The following FER variants were observed in gnomAD, a reference collection of about 807,000 sequenced individuals.
FER encodes the protein tyrosine-protein kinase Fer.
In FER, 63 loss-of-function variants were observed where a neutral mutation model predicts 111.0. The ratio of observed to expected loss-of-function variants is 0.57; its 90% confidence interval spans 0.46 to 0.70. The LOEUF (loss-of-function observed/expected upper bound fraction) is 0.70. Ranked by LOEUF, FER falls within the 30% of genes least tolerant of loss-of-function variation. FER has a pLI of 0.00. For synonymous variants in FER, 327 were observed against 313.9 expected, an observed-to-expected ratio of 1.04 and a Z score of -0.44; for missense variants, 914 against 954.0, an observed-to-expected ratio of 0.96 and a Z score of 0.55.
At chr5:108,958,578 A>G (rs1379428840) in intron 12 of FER, among the ~76,000 whole-genome samples, 1 of 151,820 alleles carries the variant, frequency 6.6e-6, no homozygotes, top group Non-Finnish European at 1.5e-5. Flanking sequence ...GGTGATATGC[A>G]ATTAAAAAAT....
chr5:109,117,305 A>T (rs895647664), intron 17 of FER, among the ~76,000 whole-genome samples: 1 of 152,126 alleles, frequency 6.6e-6, no homozygotes, highest in Admixed American at 6.6e-5. Flanking sequence ...AGAAATAGTG[A>T]CTACAGAACA....
At chr5:108,810,096 AT>A (rs1757592243) in intron 3 of FER, among the ~76,000 whole-genome samples, 1 of 151,658 alleles carries the variant, frequency 6.6e-6, no homozygotes, top group South Asian at 2.1e-4. Context: ...TATTATTGTT[AT>A]TTTTTAATTT....
intron 17 of FER, among the ~76,000 whole-genome samples, chr5:109,117,156 G>A (rs137862954): frequency 6.6e-6 from 1 of 151,988 alleles, no homozygotes; most frequent in African/African-American, 2.4e-5. Flanking sequence ...ATTCAGAAAG[G>A]TTCTTTTTCT....
chr5:108,833,489 C>CTTTT (rs5870333), intron 4 of FER, among the ~76,000 whole-genome samples: 1 of 145,608 alleles, frequency 6.9e-6, no homozygotes, highest in Non-Finnish European at 1.5e-5. Flanking sequence ...CTCCTACCCA[C>CTTTT]TTTTTTTTTT....
intron 5 of FER, 74 bp downstream of exon 5, chr5:108,835,881 A>G (rs1760605350): frequency 1.3e-6 from 1 of 799,622 alleles, no homozygotes; most frequent in Admixed American, 3.0e-5. Context: ...CTTTGTAAGT[A>G]GTGGAATGAT....
At chr5:109,164,225 T>C (rs890386768) in intron 17 of FER, among the ~76,000 whole-genome samples, 1 of 152,150 alleles carries the variant, frequency 6.6e-6, no homozygotes, top group Non-Finnish European at 1.5e-5. Context: ...CAAAATGACA[T>C]CAGTGCCTTT....
At chr5:108,769,929 C>T (rs1481736400) in intron 2 of FER, among the ~76,000 whole-genome samples, 1 of 150,890 alleles carries the variant, frequency 6.6e-6, no homozygotes, top group East Asian at 2.0e-4. Flanking sequence ...TGCTTTTTTT[C>T]CACTGATGAT....
intron 13 of FER, among the ~76,000 whole-genome samples, chr5:109,009,005 C>T (rs902000592): frequency 3.3e-5 from 5 of 150,842 alleles, no homozygotes; most frequent in Middle Eastern, 3.5e-3. Context: ...AAACAATAGC[C>T]AAAGCTTTCA....
At chr5:109,001,094 AT>A (rs1764706073) in intron 13 of FER, among the ~76,000 whole-genome samples, 1 of 152,064 alleles carries the variant, frequency 6.6e-6, no homozygotes. Context: ...AGCTGGTACC[AT>A]TCCTTCTGAA....
intron 5 of FER, among the ~76,000 whole-genome samples, chr5:108,839,248 A>T (rs890022019): frequency 2.0e-5 from 3 of 152,222 alleles, no homozygotes; most frequent in African/African-American, 7.2e-5. Context: ...CTGACCAAGA[A>T]GAAAGAACAA....
At chr5:109,115,368 G>C (rs1275666588) in intron 17 of FER, among the ~76,000 whole-genome samples, 1 of 152,090 alleles carries the variant, frequency 6.6e-6, no homozygotes, top group Non-Finnish European at 1.5e-5. Flanking sequence ...AGGTTTCTCA[G>C]ATCCAAATTG....
At chr5:109,087,833 C>T (rs576408982) in intron 16 of FER, among the ~76,000 whole-genome samples, 1 of 151,922 alleles carries the variant, frequency 6.6e-6, no homozygotes, top group East Asian at 1.9e-4. Flanking sequence ...ATTTTTATCA[C>T]ATTCTTAAAG....
Position 109,187,420 on chromosome 5 carries a change from C to T in FER, c.2327-13C>T, listed in dbSNP as rs765373292. 1.2e-6 allele frequency: 2 copies of T among 1,610,852 alleles called. No individual in the cohort carries two copies. Among genetic ancestry groups the T allele is most frequent in the Non-Finnish European group, 1.7e-6 (2 of 1,178,656 alleles). On this transcript the variant is annotated splice_polypyrimidine_tract_variant and intron_variant, in intron 19 of 19. Coordinates refer to ENST00000281092, the MANE Select transcript of FER (RefSeq NM_005246.4). ...CCATTCTAAATTCTGTTCTCCTTCT[C>T]TTGGGTCTTCAGGATACCGGATGTC... is the stretch of plus-strand genomic sequence containing the variant.
intron 16 of FER, among the ~76,000 whole-genome samples, chr5:109,069,015 TG>T (rs751647856): frequency 4.6e-5 from 7 of 151,740 alleles, no homozygotes; most frequent in Admixed American, 6.5e-5. Flanking sequence ...AAAATTAATC[TG>T]GGGGCCTTCA....
Position 108,917,749 on chromosome 5 carries a change from A to T in FER, c.1236+19901A>T, listed in dbSNP as rs75656584. Among the ~76,000 whole-genome samples, 358 of 152,338 alleles carry T rather than the reference A, an allele frequency of 2.4e-3. 1 individual carries two copies. Among genetic ancestry groups the T allele is most frequent in the Non-Finnish European group, 3.9e-3 (267 of 68,024 alleles). ...TTTAAGCTTCAGCTTTATCACCTCT[A>T]AGAAAGGTAGCTCAGTAGAATGACC... On this transcript the variant is annotated intron_variant, in intron 10 of 19. Transcript: ENST00000281092.
At chr5:108,772,969 G>C (rs1431453447) in intron 2 of FER, among the ~76,000 whole-genome samples, 2 of 152,174 alleles carry the variant, frequency 1.3e-5, no homozygotes, top group Non-Finnish European at 2.9e-5. Flanking sequence ...TCAGAGCTAA[G>C]CACAATCAGA....
chr5:108,995,554 A>T (rs560701835), intron 13 of FER, among the ~76,000 whole-genome samples: 1 of 151,986 alleles, frequency 6.6e-6, no homozygotes, highest in Admixed American at 6.6e-5. Context: ...GCTGAGAATT[A>T]TAGTTTTCAG....
chr5:109,041,166 C>G (rs966231621), intron 14 of FER, among the ~76,000 whole-genome samples: 1 of 152,114 alleles, frequency 6.6e-6, no homozygotes, highest in South Asian at 2.1e-4. Context: ...AAAGTTAAAT[C>G]AGTCAGCATG....
intron 13 of FER, among the ~76,000 whole-genome samples, chr5:109,001,600 T>C (rs752815871): frequency 6.6e-6 from 1 of 152,120 alleles, no homozygotes; most frequent in South Asian, 2.1e-4. Context: ...CTCTCACCAC[T>C]CCTATTCAAC....
Sources: allele counts gnomAD v4.1 joint callset (sites outside exome capture counted in the v4.1 genomes callset), GRCh38; gene constraint gnomAD v4.1.1; transcripts MANE v1.5; gene names NCBI Gene and HGNC (gene_info 2026-07-23, HGNC 2026-07-21).